The following MAPK10 variants were observed in gnomAD, a reference collection of about 807,000 sequenced individuals.
The protein encoded by MAPK10 is JNK3 alpha protein kinase.
A neutral mutation model predicts 59.3 loss-of-function variants in MAPK10; 25 were observed. The ratio of observed to expected loss-of-function variants is 0.42; its 90% CI spans 0.31 to 0.59. The LOEUF is 0.59. Ranked by LOEUF, MAPK10 falls within the 20% of genes least tolerant of loss-of-function variation. The pLI is 0.15. For missense variants in MAPK10, 351 were observed against 568.9 expected, an observed-to-expected ratio of 0.62 and a Z score of 3.90; for synonymous variants, 190 against 200.5, an observed-to-expected ratio of 0.95 and a Z score of 0.44.
chr4:86,478,346 G>A (rs751070152), intron 1 of MAPK10, among the ~76,000 whole-genome samples: 5 of 152,128 alleles, frequency 3.3e-5, no homozygotes, highest in African/African-American at 7.2e-5. Flanking sequence ...TTGTGCAGTC[G>A]GAATTCTTAC....
chr4:86,214,344 T>C (rs981334634), intron 2 of MAPK10, among the ~76,000 whole-genome samples: 2 of 152,126 alleles, frequency 1.3e-5, no homozygotes, highest in Admixed American at 1.3e-4. Context: ...TGTTCACTTT[T>C]ACACCTTCTA....
intron 4 of MAPK10, among the ~76,000 whole-genome samples, chr4:86,137,440 T>C (rs1161457145): frequency 3.7e-5 from 5 of 134,988 alleles, no homozygotes; most frequent in East Asian, 2.1e-4. Context: ...GACTACTGGG[T>C]ACATAACGAA....
chr4:86,538,151 CT>C (rs398063764), intron 1 of MAPK10, among the ~76,000 whole-genome samples: 1,684 of 146,182 alleles, frequency 0.012, 6 homozygotes, highest in Non-Finnish European at 0.016. Flanking sequence ...TATAATAAAT[CT>C]TTTTTTTTTT....
chr4:86,398,142 C>T (rs1346721921), intron 1 of MAPK10, among the ~76,000 whole-genome samples: 5 of 150,848 alleles, frequency 3.3e-5, no homozygotes, highest in Non-Finnish European at 5.9e-5. Context: ...CTTTGTTCTT[C>T]AGGTAATGAA....
intron 2 of MAPK10, among the ~76,000 whole-genome samples, chr4:86,288,853 A>G (rs922557482): frequency 6.6e-6 from 1 of 152,130 alleles, no homozygotes; most frequent in Non-Finnish European, 1.5e-5. Flanking sequence ...CATTCTACAA[A>G]TAATTATCAA....
rs530157888 is a variant in MAPK10 at position 86,247,278 on chromosome 4, A to G, written c.-6-52871T>C. ...ATCAGGGTATCACTTTCTTCTACTC[A>G]AAAGCATCCTGAGAAATACTGGTAT... On this transcript the variant is annotated intron_variant, in intron 2 of 13. Coordinates refer to ENST00000641462, the MANE Select transcript of MAPK10 (RefSeq NM_138982.4). 2.0e-5 allele frequency among the ~76,000 whole-genome samples: 3 copies of G among 152,326 alleles called. No homozygotes were observed. The South Asian group carries it at 6.2e-4, about 32-fold the overall frequency.
At chr4:86,428,589 CAGAT>C (rs777674923) in intron 1 of MAPK10, among the ~76,000 whole-genome samples, 25 of 151,902 alleles carry the variant, frequency 1.6e-4, no homozygotes, top group East Asian at 7.7e-4. Context: ...GACAGATAGA[CAGAT>C]AGATAGACAA....
intron 4 of MAPK10, among the ~76,000 whole-genome samples, chr4:86,134,749 T>C (rs956946555): frequency 2.0e-5 from 3 of 152,198 alleles, no homozygotes; most frequent in Admixed American, 6.5e-5. Flanking sequence ...AAGACAGTGA[T>C]TTCTGCATTT....
At chr4:86,338,011 G>A (rs1722565861) in intron 2 of MAPK10, among the ~76,000 whole-genome samples, 2 of 152,156 alleles carry the variant, frequency 1.3e-5, no homozygotes, top group Non-Finnish European at 2.9e-5. Context: ...ACTAATCTCA[G>A]ATTTCCTGTG....
chr4:86,511,202 G>A (rs1305725260), intron 1 of MAPK10, among the ~76,000 whole-genome samples: 2 of 152,038 alleles, frequency 1.3e-5, no homozygotes, highest in East Asian at 1.9e-4. Context: ...AACAGGTTTC[G>A]GCTGGGTGTG....
intron 1 of MAPK10, among the ~76,000 whole-genome samples, chr4:86,398,108 G>C (rs1743211658): frequency 6.6e-6 from 1 of 151,708 alleles, no homozygotes; most frequent in Non-Finnish European, 1.5e-5. Context: ...CAGGCAGGCA[G>C]ACAGACAGAC....
chr4:86,027,294 G>T (rs986981494), intron 13 of MAPK10: 8 of 152,154 alleles, frequency 5.3e-5, no homozygotes, highest in Non-Finnish European at 7.3e-5. Context: ...TAATTGTTAA[G>T]GTAGTTGGAA....
At chr4:86,383,191 A>G (rs188731914) in intron 1 of MAPK10, among the ~76,000 whole-genome samples, 2 of 152,276 alleles carry the variant, frequency 1.3e-5, no homozygotes, top group East Asian at 1.9e-4. Context: ...TTTGGTGGCT[A>G]TAAGACTGGA....
intron 1 of MAPK10, among the ~76,000 whole-genome samples, chr4:86,459,027 T>C (rs1327580302): frequency 6.6e-6 from 1 of 151,770 alleles, no homozygotes; most frequent in African/African-American, 2.4e-5. Context: ...AAAGGACTAA[T>C]ACCCAGAATC....
chr4:86,408,265 GT>G (rs1744641363), intron 1 of MAPK10, among the ~76,000 whole-genome samples: 2 of 152,052 alleles, frequency 1.3e-5, no homozygotes, highest in Non-Finnish European at 2.9e-5. Context: ...ATTCCACGGG[GT>G]ATATGTGCCA....
At chr4:86,281,215 T>G (rs1179297676) in intron 2 of MAPK10, among the ~76,000 whole-genome samples, 2 of 152,114 alleles carry the variant, frequency 1.3e-5, no homozygotes, top group African/African-American at 4.8e-5. Flanking sequence ...GTTTCTAAAG[T>G]CTCAGAGGAC....
chr4:86,291,436 T>C (rs2095224060), intron 2 of MAPK10, among the ~76,000 whole-genome samples: 3 of 152,170 alleles, frequency 2.0e-5, no homozygotes, highest in Admixed American at 2.0e-4. Context: ...TTCTGATAAA[T>C]GCTTCTTAGT....
At chr4:86,278,873 G>C (rs905989931) in intron 2 of MAPK10, among the ~76,000 whole-genome samples, 1 of 152,124 alleles carries the variant, frequency 6.6e-6, no homozygotes, top group African/African-American at 2.4e-5. Context: ...GACAAAGAAA[G>C]ACAAAGGATT....
intron 2 of MAPK10, among the ~76,000 whole-genome samples, chr4:86,203,072 C>A (rs17011489): frequency 0.085 from 12,896 of 151,820 alleles, 1,216 homozygotes; most frequent in African/African-American, 0.23. Context: ...GTGACAATAT[C>A]TTGGTGCAAT....
Sources: allele counts gnomAD v4.1 joint callset (sites outside exome capture counted in the v4.1 genomes callset), GRCh38; gene constraint gnomAD v4.1.1; transcripts MANE v1.5; gene names NCBI Gene and HGNC (gene_info 2026-07-23, HGNC 2026-07-21).